LDAH: variants seen among roughly 807,000 people sequenced by gnomAD.
LDAH encodes lipid droplet associated hydrolase.
In LDAH, 26 loss-of-function variants were observed where a neutral mutation model predicts 29.6. The observed-to-expected ratio is 0.88, with a 90% CI of 0.64 to 1.22. LDAH has a LOEUF of 1.22. Among genes scored for constraint, LDAH ranks in the 50% most tolerant of loss-of-function variants. The pLI is 0.00. For synonymous variants in LDAH, 117 were observed against 133.0 expected, an observed-to-expected ratio of 0.88 and a Z score of 0.83; for missense variants, 344 against 387.3, an observed-to-expected ratio of 0.89 and a Z score of 0.94.
chr2:20,777,517 C>T (rs1043337537), intron 3 of LDAH, among the ~76,000 whole-genome samples: 6 of 152,088 alleles, frequency 3.9e-5, no homozygotes, highest in Non-Finnish European at 7.4e-5. Flanking sequence ...CTCCGCCTCC[C>T]GGGTTCAAGC....
At chr2:20,697,452 A>T (rs887949300) in intron 6 of LDAH, among the ~76,000 whole-genome samples, 9 of 152,166 alleles carry the variant, frequency 5.9e-5, no homozygotes, top group African/African-American at 2.2e-4. Flanking sequence ...TCATTTGTTA[A>T]TCTCACCAAA....
At chr2:20,713,387 C>G (rs2149380663) in intron 5 of LDAH, among the ~76,000 whole-genome samples, 1 of 152,262 alleles carries the variant, frequency 6.6e-6, no homozygotes, top group Middle Eastern at 3.4e-3. Context: ...CTGAAGGAAG[C>G]ACTAAACATG....
intron 1 of LDAH, among the ~76,000 whole-genome samples, chr2:20,809,347 C>T (rs1350726571): frequency 1.3e-5 from 2 of 151,910 alleles, no homozygotes; most frequent in African/African-American, 4.8e-5. Flanking sequence ...TGCAGTGAGC[C>T]GAGATCGCAC....
At chr2:20,818,433 A>C (rs1197919198) in intron 1 of LDAH, among the ~76,000 whole-genome samples, 1 of 152,170 alleles carries the variant, frequency 6.6e-6, no homozygotes, top group Admixed American at 6.5e-5. Context: ...GATGATGCAT[A>C]AACAGAATTC....
chr2:20,731,548 G>A (rs953337682), intron 5 of LDAH, among the ~76,000 whole-genome samples: 2 of 152,090 alleles, frequency 1.3e-5, no homozygotes, highest in Admixed American at 1.3e-4. Flanking sequence ...TTACTATGTT[G>A]AGTCTTCCAA....
intron 5 of LDAH, among the ~76,000 whole-genome samples, chr2:20,733,358 A>C (rs919764945): frequency 2.0e-5 from 3 of 151,216 alleles, no homozygotes; most frequent in Non-Finnish European, 4.4e-5. Flanking sequence ...AGCCTGCCCA[A>C]AGAAGCTGAG....
In LDAH at chr2:20,710,270, A is replaced by G. The variant is rs1009495867; in HGVS notation, c.704-8618T>C. Among the ~76,000 whole-genome samples the G allele has an allele frequency of 3.3e-5, 5 of 152,160 alleles. No individual in the cohort carries two copies. In the East Asian group the frequency reaches 9.6e-4, roughly 29 times the overall value. ...GAGGTGACATCTCTGCAGATTCCAG[A>G]TATCAAAAGGATAATCACATAATTT... On this transcript the variant is annotated intron_variant, in intron 5 of 6. Transcript: ENST00000237822.
chr2:20,739,373 T>C (rs1185630571), intron 5 of LDAH, among the ~76,000 whole-genome samples: 2 of 152,224 alleles, frequency 1.3e-5, no homozygotes, highest in African/African-American at 4.8e-5. Context: ...CATTTATAAA[T>C]GTAGTATAAA....
chr2:20,795,758 T>C (rs935497375), intron 2 of LDAH, among the ~76,000 whole-genome samples: 4 of 152,136 alleles, frequency 2.6e-5, no homozygotes, highest in African/African-American at 9.7e-5. Flanking sequence ...CTCACAATTA[T>C]CATTACTAAC....
At chr2:20,817,960 G>C (rs1396776937) in intron 1 of LDAH, among the ~76,000 whole-genome samples, 2 of 152,142 alleles carry the variant, frequency 1.3e-5, no homozygotes, top group East Asian at 3.9e-4. Flanking sequence ...GTTAGGGATA[G>C]GGCTGGGACA....
At chr2:20,736,068 A>C (rs553218502) in intron 5 of LDAH, among the ~76,000 whole-genome samples, 1 of 152,204 alleles carries the variant, frequency 6.6e-6, no homozygotes, top group South Asian at 2.1e-4. Flanking sequence ...GGTAAAGTCC[A>C]CTCAATCTTT....
Position 20,685,346 on chromosome 2 carries a change from TA to T in LDAH, c.*1556del. 1 of 635,548 alleles carries T rather than the reference TA, an allele frequency of 1.6e-6. No homozygotes were observed. Among genetic ancestry groups the T allele is most frequent in the Non-Finnish European group, 2.5e-6 (1 of 392,234 alleles). 39.4% of individuals were successfully genotyped at this position (635,548 alleles called of 1,614,324 possible). A position where few individuals can be genotyped will look rare whatever the true frequency, so the allele number is the denominator to read the frequency against. On this transcript the variant is annotated 3_prime_UTR_variant, in exon 7 of 7. Transcript: ENST00000237822. ...GCTCAGAGCCATGATTCCTAGCTTC[TA>T]ACATCCGATTTCTAGGCCTCTCATG... is the stretch of plus-strand genomic sequence containing the variant.
At chr2:20,688,063 G>A (rs1650050863) in intron 6 of LDAH, among the ~76,000 whole-genome samples, 1 of 152,092 alleles carries the variant, frequency 6.6e-6, no homozygotes. Context: ...TCATTCCTTT[G>A]TTCATCAAAT....
intron 1 of LDAH, among the ~76,000 whole-genome samples, chr2:20,801,924 A>C: frequency 6.9e-6 from 1 of 144,504 alleles, no homozygotes; most frequent in Non-Finnish European, 1.5e-5. Context: ...TCTTCTCCCA[A>C]ATTCTATGTG....
At chr2:20,707,955 G>A (rs189638339) in intron 5 of LDAH, among the ~76,000 whole-genome samples, 1 of 152,128 alleles carries the variant, frequency 6.6e-6, no homozygotes, top group Non-Finnish European at 1.5e-5. Context: ...AACTGAGCAT[G>A]CAAGGGATCT....
At position 20,740,189 on chromosome 2, in the gene LDAH, A is replaced by C. The variant is rs753609571; in HGVS notation, c.485T>G (p.Leu162Arg). The C allele has an allele frequency of 1.6e-5, 26 of 1,613,566 alleles. No individual in the cohort carries two copies. In the Admixed American group the frequency reaches 4.3e-4, roughly 27 times the overall value. ...VPELPVIRAF[L>R]LFPTIERMSE... ...CATTCGTTCAATTGTTGGAAAGAGC[A>C]GAAAGGCACGAATTACCTGCAATAA... The change falls in exon 5 of 7, where the codon CTG becomes CGG. Residue 162 changes from leucine to arginine, a missense_variant. Coordinates refer to ENST00000237822, the MANE Select transcript of LDAH (RefSeq NM_021925.4).
chr2:20,795,984 C>A (rs924216132), intron 2 of LDAH, among the ~76,000 whole-genome samples: 50 of 115,938 alleles, frequency 4.3e-4, no homozygotes, highest in African/African-American at 1.4e-3. Flanking sequence ...CACACACACA[C>A]AAAATACAAT....
intron 5 of LDAH, among the ~76,000 whole-genome samples, chr2:20,726,643 T>C (rs951173238): frequency 3.3e-5 from 5 of 152,080 alleles, no homozygotes; most frequent in Admixed American, 1.3e-4. Flanking sequence ...AAGTGAAAAC[T>C]AGACCTAAAA....
intron 4 of LDAH, among the ~76,000 whole-genome samples, chr2:20,746,178 T>C: frequency 6.6e-6 from 1 of 152,218 alleles, no homozygotes. Flanking sequence ...TAGAAGAATG[T>C]ACCACACAGA....
Sources: gnomAD v4.1 joint callset for allele counts (sites outside exome capture counted in the v4.1 genomes callset) on GRCh38, gnomAD v4.1.1 for gene constraint, MANE v1.5 for transcripts, NCBI Gene and HGNC (gene_info 2026-07-23, HGNC 2026-07-21) for gene names.